LIN54: variants seen among roughly 807,000 people sequenced by gnomAD.
LIN54 encodes the protein lin-54 DREAM MuvB core complex component.
LIN54 carries 9 observed loss-of-function variants against 78.7 expected under a neutral mutation model. That is an observed-to-expected ratio of 0.11 (90% CI 0.07 to 0.20). The LOEUF (loss-of-function observed/expected upper bound fraction) is 0.20. Ranked by LOEUF, LIN54 falls within the 10% of genes least tolerant of loss-of-function variation. LIN54 has a pLI of 1.00. For synonymous variants in LIN54, 269 were observed against 318.4 expected (o/e 0.84, Z 1.65); for missense variants, 573 against 889.9 (o/e 0.64, Z 4.53).
intron 1 of LIN54, among the ~76,000 whole-genome samples, chr4:83,004,225 G>A (rs941193346): frequency 8.6e-5 from 13 of 151,734 alleles, no homozygotes; most frequent in African/African-American, 2.9e-4. Context: ...GTGACACCCC[G>A]TCTCTACTAA....
chr4:83,011,979 G>C (rs1288003319), upstream of LIN54: 1 of 967,578 alleles, frequency 1.0e-6, no homozygotes, highest in East Asian at 1.1e-4. Flanking sequence ...GGAAGAGTAA[G>C]GTTGAAGTTG....
chr4:82,951,628 CTCAAA>C (rs1158319345), intron 4 of LIN54, among the ~76,000 whole-genome samples: 1 of 152,082 alleles, frequency 6.6e-6, no homozygotes, highest in Non-Finnish European at 1.5e-5. Context: ...AAGTGGGCAT[CTCAAA>C]TCAATGGAGA....
chr4:82,987,860 T>C (rs938097503), intron 1 of LIN54, among the ~76,000 whole-genome samples: 9 of 152,262 alleles, frequency 5.9e-5, no homozygotes, highest in Non-Finnish European at 8.8e-5. Context: ...TGTGTCTTTA[T>C]AGTAGAATGA....
chr4:82,934,124 A>G (rs868433263), intron 11 of LIN54, among the ~76,000 whole-genome samples: 3 of 152,184 alleles, frequency 2.0e-5, no homozygotes, highest in Non-Finnish European at 4.4e-5. Context: ...TAAAAAATCA[A>G]CTTGCGACGG....
At chr4:82,957,468 C>T (rs1035915584) in intron 4 of LIN54, among the ~76,000 whole-genome samples, 2 of 152,166 alleles carry the variant, frequency 1.3e-5, no homozygotes, top group African/African-American at 2.4e-5. Flanking sequence ...AAATTTTCTT[C>T]GTTTTGAAGA....
chr4:82,938,301 C>A, intron 8 of LIN54, 112 bp downstream of exon 8: 1 of 641,716 alleles, frequency 1.6e-6, no homozygotes, highest in South Asian at 2.1e-5. Context: ...GAGGCATGCT[C>A]ACATGGCTTT....
At chr4:82,951,149 T>C (rs1723810325) in intron 4 of LIN54, among the ~76,000 whole-genome samples, 1 of 152,106 alleles carries the variant, frequency 6.6e-6, no homozygotes, top group African/African-American at 2.4e-5. Context: ...TTGCAAGCTT[T>C]AAAATACTTT....
Position 82,936,032 on chromosome 4 carries a change from C to T in LIN54, c.1794G>A (p.Gly598=), listed in dbSNP as rs765300287. 1.3e-5 allele frequency: 21 copies of T among 1,613,764 alleles called. No individual in the cohort carries two copies. In the East Asian group the frequency reaches 4.5e-4, roughly 34 times the overall value. Residue 598 remains glycine (G), a synonymous_variant, in exon 11 of 13, where the codon GGG becomes GGA. Coordinates refer to ENST00000340417, the MANE Select transcript of LIN54 (RefSeq NM_194282.4). ...GACATCCTGATCGTTTGCAATTACACCCTTTGCTATGACGTCGATCAGATT... is the reference window on the plus strand; with the variant it reads ...GACATCCTGATCGTTTGCAATTACATCCTTTGCTATGACGTCGATCAGATT... The part of the protein sequence containing the change: ...EGESDRRHSK[G]CNCKRSGCLK...
chr4:82,937,612 C>G (rs1471213085), intron 8 of LIN54, among the ~76,000 whole-genome samples: 2 of 152,186 alleles, frequency 1.3e-5, no homozygotes, highest in South Asian at 4.1e-4. Context: ...GAACACTCCA[C>G]AAACACTGTC....
intron 1 of LIN54, among the ~76,000 whole-genome samples, chr4:83,005,823 C>T (rs1416351073): frequency 6.6e-6 from 1 of 152,110 alleles, no homozygotes; most frequent in African/African-American, 2.4e-5. Context: ...CAGAAAGACA[C>T]ATGCACCCAC....
In LIN54 at chr4:82,984,604, T is replaced by C. The variant is rs769589776; in HGVS notation, c.241A>G (p.Thr81Ala). Reference sequence around the variant, plus strand: ...GTATTAGAATCTGCTTTAGTAATTGTGGTATTCACTGCAACTTGGTTAGTG... The same window carrying C: ...GTATTAGAATCTGCTTTAGTAATTGCGGTATTCACTGCAACTTGGTTAGTG... The part of the protein sequence containing the change: ...NHTNQVAVNT[T>A]ITKADSNTTV... Residue 81 changes from threonine (T) to alanine (A), a missense_variant, in exon 2 of 13, where the codon ACA becomes GCA. Around this residue, in one of 6 missense-constraint regions of LIN54, gnomAD observed 183 missense variants for 228.4 expected, o/e 0.80. Coordinates refer to ENST00000340417, the MANE Select transcript of LIN54 (RefSeq NM_194282.4). The C allele has an allele frequency of 6.2e-7, 1 of 1,614,222 alleles. No homozygotes were observed. Among genetic ancestry groups the C allele is most frequent in the South Asian group, 1.1e-5 (1 of 91,084 alleles).
chr4:82,941,669 TAA>T lies in LIN54; in HGVS notation c.1169-1709_1169-1708del, dbSNP rs1318972755. Among the ~76,000 whole-genome samples the T allele has an allele frequency of 2.0e-5, 3 of 151,804 alleles. No homozygotes were observed. In the South Asian group the frequency reaches 6.2e-4, roughly 32 times the overall value. ...TGATCTGGAGTGACAGCAGTGGGAA[TAA>T]AAAAGAGAGAGCAGATGCAAGAGAC... On this transcript the variant is annotated intron_variant, in intron 5 of 12. Transcript: ENST00000340417.
In LIN54 at chr4:83,007,672, G is replaced by A. The variant is rs56689651; in HGVS notation, c.-33+2812C>T. On this transcript the variant is annotated intron_variant, in intron 1 of 12. Coordinates refer to ENST00000340417, the MANE Select transcript of LIN54 (RefSeq NM_194282.4). ...GGAGGGTGAGGCAGGTAGATCGCCT[G>A]AGCTCAGGAGTTTGAGACCAGCCTG... Among the ~76,000 whole-genome samples, 1,270 of 152,234 alleles carry A rather than the reference G, an allele frequency of 8.3e-3. 20 individuals are homozygous for A. Among genetic ancestry groups the A allele is most frequent in the African/African-American group, 0.028 (1,183 of 41,534 alleles).
At chr4:82,950,243 T>G (rs1390828830) in intron 4 of LIN54, among the ~76,000 whole-genome samples, 1 of 152,206 alleles carries the variant, frequency 6.6e-6, no homozygotes, top group African/African-American at 2.4e-5. Context: ...TTGTAGAGAT[T>G]CATGTAATCA....
intron 7 of LIN54, 37 bp from the exon 8 acceptor site, chr4:82,938,541 C>CA: frequency 1.8e-6 from 2 of 1,117,440 alleles, no homozygotes; most frequent in Non-Finnish European, 2.7e-6. Flanking sequence ...ATCATATTTC[C>CA]AAAAATGGAC....
In LIN54 at chr4:82,970,610, T is replaced by A. The variant is rs983942858; in HGVS notation, c.809-141A>T. Reference sequence around the variant, plus strand: ...AACACTTAATGAGGCACTAATGAACTATGGTAAACCTAGGCAGAACTAAAC... The same window carrying A: ...AACACTTAATGAGGCACTAATGAACAATGGTAAACCTAGGCAGAACTAAAC... On this transcript the variant is annotated intron_variant, in intron 3 of 12. Transcript: ENST00000340417. The A allele has an allele frequency of 6.8e-6, 5 of 732,952 alleles. No individual in the cohort carries two copies. In the African/African-American group the frequency reaches 7.2e-5, roughly 11 times the overall value. 45.4% of individuals were successfully genotyped at this position (732,952 alleles called of 1,614,324 possible).
chr4:82,998,346 C>T (rs886674794), intron 1 of LIN54, among the ~76,000 whole-genome samples: 4 of 151,910 alleles, frequency 2.6e-5, no homozygotes, highest in African/African-American at 7.3e-5. Flanking sequence ...AGTTCAAGAA[C>T]GGCCTGGTCA....
Position 82,998,326 on chromosome 4 carries a change from C to T in LIN54, c.-33+12158G>A, listed in dbSNP as rs1215895684. On this transcript the variant is annotated intron_variant, in intron 1 of 12. Coordinates refer to ENST00000340417, the MANE Select transcript of LIN54 (RefSeq NM_194282.4). ...TTGGGAGGCTGAGGCGGACAGATCA[C>T]GAGGTCAGGAGTTCAAGAACGGCCT... Among the ~76,000 whole-genome samples the T allele has an allele frequency of 2.6e-5, 4 of 151,962 alleles. No homozygotes were observed. The East Asian group carries it at 7.7e-4, about 29-fold the overall frequency.
intron 1 of LIN54, among the ~76,000 whole-genome samples, chr4:83,006,898 G>A (rs1729440352): frequency 6.6e-6 from 1 of 152,182 alleles, no homozygotes; most frequent in Admixed American, 6.5e-5. Context: ...CTAGTACTTT[G>A]GGAGGCTGAG....
Sources: gnomAD v4.1 joint callset for allele counts (sites outside exome capture counted in the v4.1 genomes callset) on GRCh38, gnomAD v4.1.1 for gene constraint, gnomAD v4.1.1 regional missense constraint, MANE v1.5 for transcripts, NCBI Gene and HGNC (gene_info 2026-07-23, HGNC 2026-07-21) for gene names.